Variants in SPAG16 observed in about 807,000 individuals in gnomAD.
The protein encoded by SPAG16 is sperm associated antigen 16, also known as sperm-associated antigen 16 protein.
In SPAG16, 86 loss-of-function variants were observed where a neutral mutation model predicts 80.4. The observed-to-expected ratio is 1.07, with a 90% CI of 0.90 to 1.28. The LOEUF (loss-of-function observed/expected upper bound fraction) is 1.28, where lower values mean the gene tolerates loss of function less well. SPAG16 is among the 50% of genes most tolerant of loss of function. SPAG16 has a pLI of 0.00. For synonymous variants in SPAG16, 294 were observed against 265.9 expected (o/e 1.11, Z -1.03); for missense variants, 870 against 765.3 (o/e 1.14, Z -1.61).
intron 14 of SPAG16, among the ~76,000 whole-genome samples, chr2:214,111,148 G>A (rs2053642271): frequency 6.6e-6 from 1 of 152,172 alleles, no homozygotes; most frequent in Non-Finnish European, 1.5e-5. Context: ...GATCCCATTT[G>A]TCTATTCTGG....
At chr2:213,788,804 T>A (rs1053185565) in intron 10 of SPAG16, among the ~76,000 whole-genome samples, 44 of 152,050 alleles carry the variant, frequency 2.9e-4, no homozygotes, top group African/African-American at 1.0e-3. Flanking sequence ...TCAGCTCTTA[T>A]ATTTGTTTTT....
At chr2:213,290,936 T>C (rs566335992) in intron 1 of SPAG16, among the ~76,000 whole-genome samples, 72 of 152,322 alleles carry the variant, frequency 4.7e-4, no homozygotes, top group African/African-American at 1.7e-3. Context: ...GGGATTGATA[T>C]CTCTACACTG....
intron 10 of SPAG16, among the ~76,000 whole-genome samples, chr2:213,592,144 T>G (rs1236268486): frequency 6.6e-6 from 1 of 152,060 alleles, no homozygotes; most frequent in Admixed American, 6.5e-5. Flanking sequence ...TTTCAGCATA[T>G]AAAAAACAAA....
At chr2:214,118,223 C>T (rs550957859) in intron 14 of SPAG16, among the ~76,000 whole-genome samples, 2 of 152,014 alleles carry the variant, frequency 1.3e-5, no homozygotes, top group East Asian at 3.9e-4. Flanking sequence ...AAAGATATGA[C>T]AAAGAAGCCC....
At chr2:214,156,809 C>A (rs990896976) in intron 15 of SPAG16, among the ~76,000 whole-genome samples, 1 of 152,006 alleles carries the variant, frequency 6.6e-6, no homozygotes, top group African/African-American at 2.4e-5. Flanking sequence ...AACAAACAAA[C>A]AGACAAAAAA....
intron 10 of SPAG16, among the ~76,000 whole-genome samples, chr2:213,801,282 C>G (rs2071381423): frequency 6.6e-6 from 1 of 152,176 alleles, no homozygotes; most frequent in African/African-American, 2.4e-5. Flanking sequence ...TTCTCTATTT[C>G]CTAATTTATG....
intron 15 of SPAG16, chr2:214,311,548 C>T (rs1695320922): frequency 6.7e-6 from 1 of 150,292 alleles, no homozygotes; most frequent in Admixed American, 6.7e-5. Context: ...AGCAAGAGAT[C>T]CCCCTATTGT....
intron 10 of SPAG16, among the ~76,000 whole-genome samples, chr2:213,702,737 A>G (rs948488099): frequency 2.0e-5 from 3 of 152,216 alleles, no homozygotes; most frequent in African/African-American, 7.2e-5. Flanking sequence ...GTGTAATTTG[A>G]CACATTAAAA....
chr2:213,912,657 G>T (rs2077726749), intron 11 of SPAG16, among the ~76,000 whole-genome samples: 1 of 151,270 alleles, frequency 6.6e-6, no homozygotes, highest in Non-Finnish European at 1.5e-5. Context: ...TTGCTGTCCT[G>T]TGTTTCCTCA....
chr2:213,651,199 C>T (rs1359398407), intron 10 of SPAG16, among the ~76,000 whole-genome samples: 1 of 152,138 alleles, frequency 6.6e-6, no homozygotes, highest in Non-Finnish European at 1.5e-5. Flanking sequence ...TGAGTATATA[C>T]AATTATGTGA....
At chr2:213,936,297 T>C (rs892160692) in intron 12 of SPAG16, among the ~76,000 whole-genome samples, 1 of 152,208 alleles carries the variant, frequency 6.6e-6, no homozygotes, top group Non-Finnish European at 1.5e-5. Context: ...TATGTACATA[T>C]AATAGAGGGC....
intron 14 of SPAG16, among the ~76,000 whole-genome samples, chr2:214,119,628 T>C (rs1463668553): frequency 6.6e-6 from 1 of 152,078 alleles, no homozygotes; most frequent in Non-Finnish European, 1.5e-5. Context: ...TATTTTGCAT[T>C]CTAGTCTCAT....
At chr2:214,226,457 G>A (rs2058699794) in intron 15 of SPAG16, among the ~76,000 whole-genome samples, 1 of 152,052 alleles carries the variant, frequency 6.6e-6, no homozygotes, top group Non-Finnish European at 1.5e-5. Context: ...GAACTTTAAA[G>A]AGCAAACAAA....
intron 10 of SPAG16, among the ~76,000 whole-genome samples, chr2:213,595,905 T>G (rs894694361): frequency 2.0e-5 from 3 of 152,100 alleles, no homozygotes. Context: ...TATATTAAAA[T>G]GTACTTTGAT....
At chr2:213,852,020 C>G (rs190516835) in intron 10 of SPAG16, among the ~76,000 whole-genome samples, 13 of 152,186 alleles carry the variant, frequency 8.5e-5, no homozygotes, top group African/African-American at 3.1e-4. Context: ...TGAATAAGAT[C>G]CACTATCTTA....
intron 10 of SPAG16, among the ~76,000 whole-genome samples, chr2:213,794,276 T>C (rs1213856953): frequency 1.3e-5 from 2 of 152,044 alleles, no homozygotes; most frequent in Non-Finnish European, 2.9e-5. Flanking sequence ...AGCAGTTTTT[T>C]CTGTATGAGT....
At chr2:213,820,201 A>G (rs1045752931) in intron 10 of SPAG16, among the ~76,000 whole-genome samples, 1 of 151,604 alleles carries the variant, frequency 6.6e-6, no homozygotes, top group Non-Finnish European at 1.5e-5. Flanking sequence ...CAGCCTCCCA[A>G]GCAGCTGAGA....
intron 15 of SPAG16, among the ~76,000 whole-genome samples, chr2:214,281,716 T>C (rs972141857): frequency 1.3e-5 from 2 of 152,200 alleles, no homozygotes; most frequent in Non-Finnish European, 2.9e-5. Flanking sequence ...CAAAAACATA[T>C]GTCCATACAA....
intron 10 of SPAG16, among the ~76,000 whole-genome samples, chr2:213,848,778 C>T (rs1406843033): frequency 6.6e-6 from 1 of 152,168 alleles, no homozygotes; most frequent in African/African-American, 2.4e-5. Flanking sequence ...CTTCCCCTTG[C>T]CAGCATCTCA....
Sources: allele counts gnomAD v4.1 joint callset (sites outside exome capture counted in the v4.1 genomes callset), GRCh38; gene constraint gnomAD v4.1.1; transcripts MANE v1.5; gene names NCBI Gene and HGNC (gene_info 2026-07-23, HGNC 2026-07-21).